SV2B: variants seen among roughly 807,000 people sequenced by gnomAD.
SV2B encodes synaptic vesicle glycoprotein 2B.
In SV2B, 41 loss-of-function variants were observed where a neutral mutation model predicts 73.9. The ratio of observed to expected loss-of-function variants is 0.56; its 90% CI spans 0.43 to 0.72. The LOEUF (loss-of-function observed/expected upper bound fraction) is 0.72, where lower values mean the gene tolerates loss of function less well. Ranked by LOEUF, SV2B falls within the 30% of genes least tolerant of loss-of-function variation. SV2B has a pLI of 0.00. For synonymous variants in SV2B, 314 were observed against 314.2 expected (o/e 1.00, Z 0.01); for missense variants, 764 against 857.8 (o/e 0.89, Z 1.37).
rs998122398 is a variant in SV2B, at chr15:91,290,126, G to T, written c.1868+446G>T. 2.6e-5 allele frequency among the ~76,000 whole-genome samples: 4 copies of T among 152,154 alleles called. No homozygotes were observed. Among genetic ancestry groups the T allele is most frequent in the East Asian group, 1.9e-4 (1 of 5,198 alleles). ...GAGAATGTGGCAGGGAGGCCCAGGGGTTACTTTTATTTTGCACAGGTCGTA... is the reference window on the plus strand; with the variant it reads ...GAGAATGTGGCAGGGAGGCCCAGGGTTTACTTTTATTTTGCACAGGTCGTA... On this transcript the variant is annotated intron_variant, in intron 12 of 12. Coordinates refer to ENST00000394232, the MANE Select transcript of SV2B (RefSeq NM_001323032.3). This position sits in a 1 kb window ranked among gnomAD's most constrained non-coding sequence, Gnocchi z 4.7.
At chr15:91,166,642 C>G (rs1439423641) in intron 1 of SV2B, among the ~76,000 whole-genome samples, 1 of 151,704 alleles carries the variant, frequency 6.6e-6, no homozygotes, top group Non-Finnish European at 1.5e-5. Flanking sequence ...GACTTTTTTT[C>G]TCAATTTTTA....
At chr15:91,216,904 T>C (rs1322339627) in intron 1 of SV2B, among the ~76,000 whole-genome samples, 3 of 151,122 alleles carry the variant, frequency 2.0e-5, no homozygotes, top group Non-Finnish European at 4.4e-5. Context: ...TTTTTTTTTT[T>C]TGAGACCGAG....
chr15:91,282,901 G>A (rs16945504), intron 10 of SV2B, among the ~76,000 whole-genome samples: 20 of 152,140 alleles, frequency 1.3e-4, no homozygotes, highest in Non-Finnish European at 1.5e-4. Flanking sequence ...AATGAGTTCC[G>A]GAAGTTTAAT....
chr15:91,140,619 C>T lies in SV2B; in HGVS notation c.-392+40256C>T, dbSNP rs2042970978. On this transcript the variant is annotated intron_variant, in intron 1 of 12. Transcript: ENST00000394232. This position sits in a 1 kb window ranked among gnomAD's most constrained non-coding sequence, Gnocchi z 4.4. ...CCATTGCTCTCCTCTTTGATCTCCT[C>T]CAACAGAGTGGAGAACATGTCTGAC... is the stretch of plus-strand genomic sequence containing the variant. Among the ~76,000 whole-genome samples, 1 of 152,158 alleles carries T rather than the reference C, an allele frequency of 6.6e-6. No homozygotes were observed. Among genetic ancestry groups the T allele is most frequent in the Middle Eastern group, 3.2e-3 (1 of 316 alleles).
intron 1 of SV2B, among the ~76,000 whole-genome samples, chr15:91,175,414 C>G (rs2044268313): frequency 6.6e-6 from 1 of 151,900 alleles, no homozygotes; most frequent in Non-Finnish European, 1.5e-5. Context: ...GCCATCATGC[C>G]CAGATAATTT....
At chr15:91,168,150 G>A (rs1343779337) in intron 1 of SV2B, among the ~76,000 whole-genome samples, 3 of 152,112 alleles carry the variant, frequency 2.0e-5, no homozygotes, top group Admixed American at 2.0e-4. Context: ...GGTAGTTTTT[G>A]CCACGCCTTT....
chr15:91,277,013 G>T (rs7169368), intron 9 of SV2B, among the ~76,000 whole-genome samples: 52,482 of 151,682 alleles, frequency 0.35, 10,282 homozygotes, highest in African/African-American at 0.52. Context: ...GTAGAGACGG[G>T]GTTTCTCCAT....
At chr15:91,221,693 G>GTGCACA (rs1555486428) in intron 1 of SV2B, among the ~76,000 whole-genome samples, 1 of 140,068 alleles carries the variant, frequency 7.1e-6, no homozygotes, top group Admixed American at 7.1e-5. Flanking sequence ...AAGCATGTGC[G>GTGCACA]CACACACACA....
Position 91,253,224 on chromosome 15 carries a change from T to C in SV2B, c.784+704T>C, listed in dbSNP as rs1380588517. Among the ~76,000 whole-genome samples the C allele has an allele frequency of 3.3e-5, 5 of 152,246 alleles. No homozygotes were observed. Among genetic ancestry groups the C allele is most frequent in the Non-Finnish European group, 7.3e-5 (5 of 68,044 alleles). On this transcript the variant is annotated intron_variant, in intron 4 of 12. Coordinates refer to ENST00000394232, the MANE Select transcript of SV2B (RefSeq NM_001323032.3). The surrounding 1 kb of genome is among the most constrained non-coding windows in gnomAD (Gnocchi z 5.0). ...TGACTTTGATTCTGCTTTTGGAGTA[T>C]ACTTAGTAATACTATCATCATCATT... is the stretch of plus-strand genomic sequence containing the variant.
intron 12 of SV2B, 139 bp from the exon 13 acceptor site, chr15:91,292,230 G>A (rs780237078): frequency 1.8e-5 from 13 of 714,430 alleles, no homozygotes; most frequent in Non-Finnish European, 2.6e-5. Flanking sequence ...TGACTACAAT[G>A]AGAATGTGTT....
rs1172430441 is a variant in SV2B at position 91,214,323 on chromosome 15, A to T, written c.-391-11550A>T. Among the ~76,000 whole-genome samples, 2 of 152,184 alleles carry T rather than the reference A, an allele frequency of 1.3e-5. No homozygotes were observed. Among genetic ancestry groups the T allele is most frequent in the African/African-American group, 4.8e-5 (2 of 41,446 alleles). ...GAGGTTAAGGGTCTCGTTGTCCTTT[A>T]GAGTGTGGTATGCATCTCTGCAGGA... On this transcript the variant is annotated intron_variant, in intron 1 of 12. Transcript: ENST00000394232. The surrounding 1 kb of genome is among the most constrained non-coding windows in gnomAD (Gnocchi z 4.7).
In SV2B at chr15:91,258,305, C is replaced by T; in HGVS notation, c.785-116C>T. 1 of 1,447,100 alleles carries T rather than the reference C, an allele frequency of 6.9e-7. No homozygotes were observed. Among genetic ancestry groups the T allele is most frequent in the Non-Finnish European group, 9.3e-7 (1 of 1,080,258 alleles). The allele number at this position is 1,447,100 out of a possible 1,614,324, so 89.6% of individuals were successfully genotyped here. A position where few individuals can be genotyped will look rare whatever the true frequency, so the allele number is the denominator to read the frequency against. On this transcript the variant is annotated intron_variant, in intron 4 of 12. Transcript: ENST00000394232. This position sits in a 1 kb window ranked among gnomAD's most constrained non-coding sequence, Gnocchi z 4.7. ...AGCTGAGGAGTCTGCATTTTAACCA[C>T]CTCCCCGGGTGACTCTCTTGTGCCC...
rs376299994 is a variant in SV2B, at chr15:91,260,439, G to T, written c.1008+30G>T. ...GTGTGGGGTTGCCTGCCAATAAGAA[G>T]GGGGTTCTCCTCTTCACTGCTTTGA... On this transcript the variant is annotated intron_variant, in intron 6 of 12. Coordinates refer to ENST00000394232, the MANE Select transcript of SV2B (RefSeq NM_001323032.3). 7 of 1,557,636 alleles carry T rather than the reference G, an allele frequency of 4.5e-6. No homozygotes were observed. The African/African-American group carries it at 9.6e-5, about 21-fold the overall frequency.
In SV2B at chr15:91,157,751, T is replaced by A. The variant is rs550120851; in HGVS notation, c.-392+57388T>A. On this transcript the variant is annotated intron_variant, in intron 1 of 12. Transcript: ENST00000394232. ...TTTGAACCTAGAATCTAGATCAAGA[T>A]CCGTGCTTTTTTCTCCACTCTGCCT... 2.0e-5 allele frequency among the ~76,000 whole-genome samples: 3 copies of A among 152,336 alleles called. No homozygotes were observed. The East Asian group carries it at 5.8e-4, about 29-fold the overall frequency.
In SV2B at chr15:91,227,150, A is replaced by G. The variant is rs1037977607; in HGVS notation, c.451+436A>G. On this transcript the variant is annotated intron_variant, in intron 2 of 12. Transcript: ENST00000394232. The surrounding 1 kb of genome is among the most constrained non-coding windows in gnomAD (Gnocchi z 4.5). ...TTGGTCCTTCTCTCTGTGTCTTTCC[A>G]GAGTCCGATGGTGTCTGTTCCTGGT... is the stretch of plus-strand genomic sequence containing the variant. Among the ~76,000 whole-genome samples the G allele has an allele frequency of 1.3e-5, 2 of 152,178 alleles. No individual in the cohort carries two copies. The highest frequency in any genetic ancestry group is 2.9e-5 in the Non-Finnish European group (2 of 68,034).
intron 2 of SV2B, among the ~76,000 whole-genome samples, chr15:91,248,547 C>A (rs1203501898): frequency 2.6e-5 from 4 of 152,242 alleles, no homozygotes; most frequent in Middle Eastern, 3.4e-3. Flanking sequence ...GTGATTAATA[C>A]CCTCAGAAAG....
intron 1 of SV2B, among the ~76,000 whole-genome samples, chr15:91,213,821 A>T (rs969661642): frequency 6.6e-5 from 10 of 152,184 alleles, no homozygotes; most frequent in African/African-American, 2.4e-4. Flanking sequence ...ATTCCCTTTA[A>T]AGGCTCTGAA....
intron 2 of SV2B, among the ~76,000 whole-genome samples, chr15:91,243,668 A>G (rs1205426017): frequency 1.3e-5 from 2 of 152,136 alleles, no homozygotes; most frequent in African/African-American, 2.4e-5. Flanking sequence ...CATCTTGGTT[A>G]TCCATCTCCT....
rs2046709933 is a variant in SV2B at position 91,234,636 on chromosome 15, A to G, written c.451+7922A>G. On this transcript the variant is annotated intron_variant, in intron 2 of 12. Coordinates refer to ENST00000394232, the MANE Select transcript of SV2B (RefSeq NM_001323032.3). This position sits in a 1 kb window ranked among gnomAD's most constrained non-coding sequence, Gnocchi z 5.6. ...TCTAGGTCAAGTGAACAGAAGTCTC[A>G]TGAAATATAGAAACAGAGCATCATG... 1.3e-5 allele frequency among the ~76,000 whole-genome samples: 2 copies of G among 152,196 alleles called. No homozygotes were observed. Among genetic ancestry groups the G allele is most frequent in the Admixed American group, 1.3e-4 (2 of 15,280 alleles).
Sources: allele counts gnomAD v4.1 joint callset (sites outside exome capture counted in the v4.1 genomes callset), GRCh38; gene constraint gnomAD v4.1.1; non-coding constraint Gnocchi (gnomAD v3.1); transcripts MANE v1.5; gene names NCBI Gene and HGNC (gene_info 2026-07-23, HGNC 2026-07-21).